Variants in ZAN observed in about 807,000 individuals in gnomAD.
ZAN encodes the protein zonadhesin.
Under a neutral mutation model 286.2 loss-of-function variants are expected in ZAN, and 260 were observed. That is an observed-to-expected ratio of 0.91 (90% CI 0.82 to 1.01). The LOEUF is 1.01. ZAN is among the 50% of genes least tolerant of loss of function. The pLI is 0.00. For synonymous variants in ZAN, 1,368 were observed against 1,417.5 expected, an observed-to-expected ratio of 0.97 and a Z score of 0.79; for missense variants, 3,410 against 3,639.2, an observed-to-expected ratio of 0.94 and a Z score of 1.62.
chr7:100,739,633 T>C lies in ZAN; in HGVS notation c.766+1020T>C, dbSNP rs1434992061. 2.3e-5 allele frequency among the ~76,000 whole-genome samples: 3 copies of C among 132,414 alleles called. No homozygotes were observed. The East Asian group carries it at 6.8e-4, about 30-fold the overall frequency. The allele number at this position is 132,414 out of a possible 152,430, so 86.9% of individuals were successfully genotyped here. A position where few individuals can be genotyped will look rare whatever the true frequency, so the allele number is the denominator to read the frequency against. On this transcript the variant is annotated intron_variant, in intron 7 of 47. Coordinates refer to ENST00000613979, the MANE Select transcript of ZAN (RefSeq NM_003386.3). Reference sequence around the variant, plus strand: ...TGCTGGGATTACAGGCGTGAGCCACTGTGCCCCGCCGTGAGTTATCAATTA... The same window carrying C: ...TGCTGGGATTACAGGCGTGAGCCACCGTGCCCCGCCGTGAGTTATCAATTA...
rs1302909015 is a variant in ZAN at position 100,748,190 on chromosome 7, T to G, written c.1077T>G (p.Asp359Glu). Reference protein sequence around the residue: ...GKTPEPAVAVDATSIAPCGEG... With the variant: ...GKTPEPAVAVEATSIAPCGEG... ...CCCCAGAGCCAGCTGTGGCAGTTGA[T>G]GCAACCAGCATTGCTCCTTGTGGGG... The change falls in exon 10 of 48, where the codon GAT becomes GAG. Residue 359 changes from aspartate to glutamate, a missense_variant. Around this residue, in one of 7 missense-constraint regions of ZAN, gnomAD observed 872 missense variants for 938.9 expected, o/e 0.93. Coordinates refer to ENST00000613979, the MANE Select transcript of ZAN (RefSeq NM_003386.3). 2 of 1,613,828 alleles carry G rather than the reference T, an allele frequency of 1.2e-6. No individual in the cohort carries two copies. Among genetic ancestry groups the G allele is most frequent in the Non-Finnish European group, 1.7e-6 (2 of 1,179,850 alleles).
At position 100,773,727 on chromosome 7, in the gene ZAN, G is replaced by A. The variant is rs746826120; in HGVS notation, c.5641G>A (p.Glu1881Lys). ...DPAGSYHPVGERWYTENTCTR... is the reference protein window; with the variant it reads ...DPAGSYHPVGKRWYTENTCTR... The stretch of plus-strand genomic sequence containing the variant: ...TGATCCCTGTGGCCCACAGGTCGGG[G>A]AGCGCTGGTACACAGAGAACACCTG... The change falls in exon 31 of 48, where the codon GAG becomes AAG. Residue 1881 changes from glutamate (E) to lysine (K), a missense_variant. Around this residue, in one of 7 missense-constraint regions of ZAN, gnomAD observed 1,289 missense variants for 1,314.3 expected, o/e 0.98. Coordinates refer to ENST00000613979, the MANE Select transcript of ZAN (RefSeq NM_003386.3). 7 of 1,609,110 alleles carry A rather than the reference G, an allele frequency of 4.4e-6. No individual in the cohort carries two copies. The South Asian group carries it at 4.4e-5, about 10-fold the overall frequency.
intron 7 of ZAN, 94 bp downstream of exon 7, chr7:100,738,707 C>A: frequency 7.9e-7 from 1 of 1,264,244 alleles, no homozygotes. Context: ...ACACCTACAG[C>A]TTCAAGCCTC....
At position 100,735,857 on chromosome 7, in the gene ZAN, C is replaced by T; in HGVS notation, c.106+85C>T. 1.3e-5 allele frequency: 14 copies of T among 1,105,590 alleles called. 2 individuals carry two copies. In the South Asian group the frequency reaches 1.9e-4, roughly 15 times the overall value. The allele number at this position is 1,105,590 out of a possible 1,614,324, so 68.5% of individuals were successfully genotyped here. ...CACCAGAATGCCAGTTCCTGAGTTC[C>T]TAGCAGGAGCAGCCACCTCCAGTCC... On this transcript the variant is annotated intron_variant, in intron 3 of 47. Coordinates refer to ENST00000613979, the MANE Select transcript of ZAN (RefSeq NM_003386.3).
chr7:100,736,400 A>G lies in ZAN; in HGVS notation c.107-83A>G, dbSNP rs768906329. ...ATGGCAGCTTTCTCTAAGTGTAGCA[A>G]TCTTGCTACTTCCCTCTCCCTGTGT... On this transcript the variant is annotated intron_variant, in intron 3 of 47. Transcript: ENST00000613979. The G allele has an allele frequency of 5.8e-5, 80 of 1,385,582 alleles. 10 individuals are homozygous for G. Among genetic ancestry groups the G allele is most frequent in the Non-Finnish European group, 7.5e-5 (74 of 982,408 alleles). 85.8% of individuals were successfully genotyped at this position (1,385,582 alleles called of 1,614,324 possible). A position where few individuals can be genotyped will look rare whatever the true frequency, so the allele number is the denominator to read the frequency against.
At position 100,759,799 on chromosome 7, in the gene ZAN, C is replaced by A. The variant is rs765160952; in HGVS notation, c.3650C>A (p.Thr1217Asn). Residue 1217 changes from threonine to asparagine, a missense_variant, in exon 18 of 48, where the codon ACC becomes AAC. Around this residue, in one of 7 missense-constraint regions of ZAN, gnomAD observed 1,042 missense variants for 1,058.0 expected, o/e 0.98. Coordinates refer to ENST00000613979, the MANE Select transcript of ZAN (RefSeq NM_003386.3). The part of the protein sequence containing the change: ...GVSCLSKVYV[T>N]LPESTVTLLK... ...TCCTGCCTGAGCAAAGTCTACGTGA[C>A]CCTGCCCGAGAGCACCGTCACCCTG... is the stretch of plus-strand genomic sequence containing the variant. The A allele has an allele frequency of 6.2e-7, 1 of 1,610,060 alleles. No individual in the cohort carries two copies. The highest frequency in any genetic ancestry group is 1.7e-5 in the Admixed American group (1 of 59,724).
In ZAN at chr7:100,767,031, C is replaced by T. The variant is rs377250580; in HGVS notation, c.4634C>T (p.Ser1545Leu). Residue 1545 changes from serine (S) to leucine (L), a missense_variant, in exon 25 of 48, where the codon TCG becomes TTG. By Grantham distance (145) the Ser-to-Leu change is moderately radical (BLOSUM62 -2). Transcript: ENST00000613979. The stretch of plus-strand genomic sequence containing the variant: ...ACAGGTGCCGCCACCTGCACAGCCT[C>T]GGGTGACCCCCACTACCTGACCTTC... ...HAQGAATCTASGDPHYLTFDG... is the reference protein window; with the variant it reads ...HAQGAATCTALGDPHYLTFDG... 4.2e-5 allele frequency: 68 copies of T among 1,613,914 alleles called. No homozygotes were observed. The highest frequency in any genetic ancestry group is 1.7e-4 in the Middle Eastern group (1 of 6,054).
chr7:100,753,060 C>A lies in ZAN; in HGVS notation c.2955C>A (p.Ile985=), dbSNP rs1331545908. The change falls in exon 14 of 48, where the codon ATC becomes ATA. Residue 985 remains isoleucine (I), a synonymous_variant. Coordinates refer to ENST00000613979, the MANE Select transcript of ZAN (RefSeq NM_003386.3). The part of the protein sequence containing the change: ...KLTIPTEKPT[I]PTEKPTIPTE... The stretch of plus-strand genomic sequence containing the variant: ...CCATCCCCACGGAAAAACCCACCAT[C>A]CCCACAGAAAAACCCACCATTCCCA... 6.2e-7 allele frequency: 1 copy of A among 1,613,904 alleles called. No homozygotes were observed. Among genetic ancestry groups the A allele is most frequent in the Non-Finnish European group, 8.5e-7 (1 of 1,179,832 alleles).
rs752299970 is a variant in ZAN at position 100,760,484 on chromosome 7, G to A, written c.3790G>A (p.Gly1264Ser). ...GTTTGTGGAGCTGCAGACGGAGTTC[G>A]GTTTGCGGGTGAGATGGGATGGTGA... is the stretch of plus-strand genomic sequence containing the variant. ...GRFVELQTEF[G>S]LRVRWDGDQQ... is the part of the protein sequence containing the mutation. Residue 1264 changes from glycine to serine, a missense_variant, in exon 19 of 48, where the codon GGT (glycine) becomes AGT (serine). By Grantham distance (56) the Gly-to-Ser change is moderately conservative. Transcript: ENST00000613979. 9 of 1,613,858 alleles carry A rather than the reference G, an allele frequency of 5.6e-6. No homozygotes were observed. Among genetic ancestry groups the A allele is most frequent in the African/African-American group, 5.3e-5 (4 of 74,924 alleles).
At position 100,736,612 on chromosome 7, in the gene ZAN, G is replaced by A. The variant is rs759815650; in HGVS notation, c.236G>A (p.Gly79Glu). Residue 79 changes from glycine (G) to glutamate (E), a missense_variant, in exon 4 of 48, where the codon GGG becomes GAG. Gly to Glu is a moderately conservative substitution (Grantham distance 98). This residue lies in a region of ZAN where 872 missense variants were observed against 938.9 expected (regional missense o/e 0.93). Transcript: ENST00000613979. ...PSPTGSTGAP[G>E]GYPNGEGSYL... ...CCCACCGGCTCCACCGGGGCCCCCG[G>A]GGGGTACCCTAACGGAGGTGAGGGG... is the stretch of plus-strand genomic sequence containing the variant. 1.3e-6 allele frequency: 2 copies of A among 1,522,940 alleles called. No homozygotes were observed. The highest frequency in any genetic ancestry group is 2.3e-5 in the South Asian group (2 of 88,838). The allele number at this position is 1,522,940 out of a possible 1,614,324, so 94.3% of individuals were successfully genotyped here. A position where few individuals can be genotyped will look rare whatever the true frequency, so the allele number is the denominator to read the frequency against.
At chr7:100,738,421 G>T in intron 6 of ZAN, 40 bp from the exon 7 acceptor site, 1 of 1,436,652 alleles carries the variant, frequency 7.0e-7, no homozygotes, top group South Asian at 1.2e-5. Context: ...CTCTAAAAAA[G>T]AAGAAAACAT....
At chr7:100,790,899 A>AT (rs1491490277) in intron 39 of ZAN, 43 bp from the exon 40 acceptor site, 1 of 1,438,768 alleles carries the variant, frequency 7.0e-7, no homozygotes, top group South Asian at 1.4e-5. Context: ...AAAAAAAAAA[A>AT]GAGTGAGGAG....
At chr7:100,774,817 G>C (rs944458839) in intron 31 of ZAN, among the ~76,000 whole-genome samples, 1 of 146,466 alleles carries the variant, frequency 6.8e-6, no homozygotes, top group African/African-American at 2.5e-5. Context: ...GACAGAGAGA[G>C]ACCATGTCTC....
chr7:100,765,609 C>T, intron 23 of ZAN, 55 bp downstream of exon 23: 1 of 1,515,370 alleles, frequency 6.6e-7, no homozygotes, highest in Non-Finnish European at 8.9e-7. Flanking sequence ...CTGCTCCCTG[C>T]TCTCACACCC....
rs372577796 is a variant in ZAN, at chr7:100,752,920, G to A, written c.2815G>A (p.Glu939Lys). The A allele has an allele frequency of 2.6e-5, 42 of 1,609,606 alleles. No individual in the cohort carries two copies. In the South Asian group the frequency reaches 3.4e-4, roughly 13 times the overall value. The part of the protein sequence containing the change: ...IPTEETTIST[E>K]KLTIPTEKPT... The stretch of plus-strand genomic sequence containing the variant: ...CACTGAAGAGACTACCATCTCCACA[G>A]AAAAACTCACCATCCCCACAGAAAA... The change falls in exon 14 of 48, where the codon GAA becomes AAA. Residue 939 changes from glutamate (E) to lysine (K), a missense_variant. This residue lies in a region of ZAN where 1,042 missense variants were observed against 1,058.0 expected (regional missense o/e 0.98). Transcript: ENST00000613979.
In ZAN at chr7:100,776,024, A is replaced by C. The variant is rs571947418; in HGVS notation, c.6192+191A>C. 1.9e-4 allele frequency among the ~76,000 whole-genome samples: 28 copies of C among 151,278 alleles called. No homozygotes were observed. In the East Asian group the frequency reaches 5.1e-3, roughly 27 times the overall value. ...GTGTTTCCAGGAAAAAACAGGAAAA[A>C]CCATTCTGCCCGGGCATGGTGGCTC... On this transcript the variant is annotated intron_variant, in intron 33 of 47. Coordinates refer to ENST00000613979, the MANE Select transcript of ZAN (RefSeq NM_003386.3).
chr7:100,773,855 T>TTTC lies in ZAN; in HGVS notation c.5769_5770insTTC (p.Cys1923_Arg1924insPhe). 2 of 1,169,876 alleles carry TTTC rather than the reference T, an allele frequency of 1.7e-6. No individual in the cohort carries two copies. The highest frequency in any genetic ancestry group is 2.3e-6 in the Non-Finnish European group (2 of 859,680). The allele number at this position is 1,169,876 out of a possible 1,614,324, so 72.5% of individuals were successfully genotyped here. A position where few individuals can be genotyped will look rare whatever the true frequency, so the allele number is the denominator to read the frequency against. On this transcript the variant is annotated inframe_insertion, in exon 31 of 48. Transcript: ENST00000613979. ...GGGCCCTGGATGGGCTGCTCCATTG[T>TTTC]CGGGCCTCAGGTAGGAGGACCACGG...
At chr7:100,760,331 T>A in intron 18 of ZAN, 60 bp from the exon 19 acceptor site, 1 of 1,587,608 alleles carries the variant, frequency 6.3e-7, no homozygotes, top group Non-Finnish European at 8.6e-7. Context: ...AATGAAAGTC[T>A]GCTGGGGTCC....
chr7:100,740,489 A>C (rs1392736841), intron 7 of ZAN, among the ~76,000 whole-genome samples: 1 of 61,610 alleles, frequency 1.6e-5, no homozygotes, highest in African/African-American at 7.3e-5. Flanking sequence ...GAGATTAGGG[A>C]TTGGTGATGA....
Sources: allele counts gnomAD v4.1 joint callset (sites outside exome capture counted in the v4.1 genomes callset), GRCh38; gene constraint gnomAD v4.1.1; regional missense constraint gnomAD v4.1.1; transcripts MANE v1.5; gene names NCBI Gene and HGNC (gene_info 2026-07-23, HGNC 2026-07-21).